Variants in ADI1 observed in about 807,000 individuals in gnomAD.
ADI1 encodes acireductone dioxygenase.
In ADI1, 21 loss-of-function variants were observed where a neutral mutation model predicts 18.7. That is an observed-to-expected ratio of 1.13 (90% CI 0.80 to 1.62). The LOEUF is 1.62. Ranked by LOEUF, ADI1 falls within the 40% of genes most tolerant of loss-of-function variation. The probability of loss-of-function intolerance (pLI) is 0.00; values close to 1 mark genes in which losing one functional copy is unlikely to be tolerated. For missense variants in ADI1, 245 were observed against 254.9 expected, an observed-to-expected ratio of 0.96 and a Z score of 0.26; for synonymous variants, 90 against 100.1, an observed-to-expected ratio of 0.90 and a Z score of 0.60.
chr2:3,500,718 T>G, intron 3 of ADI1, 96 bp downstream of exon 3: 8 of 1,547,086 alleles, frequency 5.2e-6, no homozygotes, highest in Non-Finnish European at 7.1e-6. Context: ...GCGACCGCGC[T>G]TGGAGTCTGC....
intron 3 of ADI1, chr2:3,500,583 A>G: frequency 1.6e-6 from 1 of 622,124 alleles, no homozygotes; most frequent in Non-Finnish European, 2.9e-6. Flanking sequence ...TGAAATGCAC[A>G]CCTGTCCACC....
intron 2 of ADI1, among the ~76,000 whole-genome samples, chr2:3,506,383 T>C (rs1667177999): frequency 6.6e-6 from 1 of 152,198 alleles, no homozygotes; most frequent in Non-Finnish European, 1.5e-5. Flanking sequence ...ACACAAAAGT[T>C]AATCACTTTC....
At chr2:3,512,989 T>G (rs1667323420) in intron 2 of ADI1, among the ~76,000 whole-genome samples, 1 of 152,226 alleles carries the variant, frequency 6.6e-6, no homozygotes, top group Non-Finnish European at 1.5e-5. Flanking sequence ...GCCCTAGATG[T>G]GGGACATGGA....
rs1007250409 is a variant in ADI1, at chr2:3,498,243, A to G, written c.*720T>C. On this transcript the variant is annotated 3_prime_UTR_variant, in exon 4 of 4. Coordinates refer to ENST00000327435, the MANE Select transcript of ADI1 (RefSeq NM_018269.4). Reference sequence around the variant, plus strand: ...ATCCTATCTCGGAATTGTTGAGTAGAAAATTTATGTACTAATACTCCTGTT... The same window carrying G: ...ATCCTATCTCGGAATTGTTGAGTAGGAAATTTATGTACTAATACTCCTGTT... 6.6e-6 allele frequency: 1 copy of G among 152,240 alleles called. No homozygotes were observed. The highest frequency in any genetic ancestry group is 2.4e-5 in the African/African-American group (1 of 41,458). The allele number at this position is 152,240 out of a possible 1,614,324, so 9.4% of individuals were successfully genotyped here.
intron 2 of ADI1, among the ~76,000 whole-genome samples, chr2:3,506,404 G>A (rs1232681852): frequency 1.1e-4 from 17 of 152,172 alleles, no homozygotes; most frequent in Non-Finnish European, 4.4e-5. Context: ...CTATATACCA[G>A]AAACACAGCA....
chr2:3,500,778 C>T, intron 3 of ADI1, 36 bp downstream of exon 3: 1 of 1,611,576 alleles, frequency 6.2e-7, no homozygotes, highest in East Asian at 2.2e-5. Flanking sequence ...GGCCACCACA[C>T]AGGCCGGGCC....
intron 3 of ADI1, chr2:3,500,530 G>A (rs747134173): frequency 7.4e-4 from 136 of 183,424 alleles, no homozygotes; most frequent in Non-Finnish European, 2.3e-4. Flanking sequence ...TGTACCTGCC[G>A]CCGCATGTAC....
intron 2 of ADI1, among the ~76,000 whole-genome samples, chr2:3,508,322 G>T: frequency 9.6e-6 from 1 of 104,298 alleles, no homozygotes; most frequent in South Asian, 3.7e-4. Context: ...GCAACAGAGT[G>T]AGACTCTGTC....
Position 3,511,772 on chromosome 2 carries a change from T to C in ADI1, c.240+2085A>G, listed in dbSNP as rs548716886. 8.6e-4 allele frequency among the ~76,000 whole-genome samples: 131 copies of C among 152,326 alleles called. 1 individual carries two copies. Among genetic ancestry groups the C allele is most frequent in the Non-Finnish European group, 1.3e-3 (91 of 68,024 alleles). ...GGAAAGTTTGGAACTTTTTAGAGAC[T>C]GGTTAACTCATTGTGACCAAAATGC... On this transcript the variant is annotated intron_variant, in intron 2 of 3. Coordinates refer to ENST00000327435, the MANE Select transcript of ADI1 (RefSeq NM_018269.4).
chr2:3,508,334 C>CAAAAAAAAAAAAAAAAAAAAAAAAAA (rs33977448), intron 2 of ADI1, among the ~76,000 whole-genome samples: 1 of 26,922 alleles, frequency 3.7e-5, no homozygotes, highest in Non-Finnish European at 9.9e-5. Flanking sequence ...GACTCTGTCT[C>CAAAAAAAAAAAAAAAAAAAAAAAAAA]AAAAAAAAAA....
In ADI1 at chr2:3,498,932, C is replaced by T. The variant is rs1012162845; in HGVS notation, c.*31G>A. The T allele has an allele frequency of 3.8e-6, 6 of 1,583,890 alleles. No homozygotes were observed. Among genetic ancestry groups the T allele is most frequent in the East Asian group, 4.5e-5 (2 of 44,122 alleles). On this transcript the variant is annotated 3_prime_UTR_variant, in exon 4 of 4. Coordinates refer to ENST00000327435, the MANE Select transcript of ADI1 (RefSeq NM_018269.4). The stretch of plus-strand genomic sequence containing the variant: ...TCAGTCATTACATTGGGGACCTTTA[C>T]GAGGCACGTGTTAGTTCCCAGGCAG...
At chr2:3,500,735 C>T (rs530248337) in intron 3 of ADI1, 79 bp downstream of exon 3, 39 of 1,593,878 alleles carry the variant, frequency 2.4e-5, no homozygotes, top group East Asian at 6.7e-5. Flanking sequence ...CTGCGGAAGC[C>T]GCGCAGTTCA....
intron 2 of ADI1, among the ~76,000 whole-genome samples, chr2:3,509,660 A>G: frequency 6.6e-6 from 1 of 152,156 alleles, no homozygotes; most frequent in African/African-American, 2.4e-5. Context: ...GTATATCGAA[A>G]TTATCAAAAG....
At chr2:3,519,278 C>G in intron 1 of ADI1, 90 bp downstream of exon 1, 1 of 1,310,450 alleles carries the variant, frequency 7.6e-7, no homozygotes, top group Non-Finnish European at 9.7e-7. Context: ...GCTCCCAGGC[C>G]GCTGCCCGGC....
In ADI1 at chr2:3,514,659, G is replaced by C. The variant is rs146368212; in HGVS notation, c.121-683C>G. On this transcript the variant is annotated intron_variant, in intron 1 of 3. Coordinates refer to ENST00000327435, the MANE Select transcript of ADI1 (RefSeq NM_018269.4). ...TTATCACAATCCTATCTCTATTAAGGTTCAGTTTTACTGTTCCTTCCTGAC... is the reference window on the plus strand; with the variant it reads ...TTATCACAATCCTATCTCTATTAAGCTTCAGTTTTACTGTTCCTTCCTGAC... 5.4e-4 allele frequency: 548 copies of C among 1,019,352 alleles called. 4 individuals are homozygous for C. The African/African-American group carries it at 7.7e-3, about 14-fold the overall frequency. 63.1% of individuals were successfully genotyped at this position (1,019,352 alleles called of 1,614,324 possible).
At chr2:3,515,045 G>A in intron 1 of ADI1, 1 of 518,308 alleles carries the variant, frequency 1.9e-6, no homozygotes, top group Admixed American at 4.0e-5. Flanking sequence ...CAAATTGATT[G>A]TAAAACATGT....
chr2:3,519,067 A>G (rs897014696), intron 1 of ADI1, among the ~76,000 whole-genome samples: 9 of 148,038 alleles, frequency 6.1e-5, no homozygotes, highest in African/African-American at 2.3e-4. Context: ...TTCGCTGCTG[A>G]GCATGCGCAG....
chr2:3,503,775 A>AC (rs1280206451), intron 2 of ADI1, among the ~76,000 whole-genome samples: 1 of 152,208 alleles, frequency 6.6e-6, no homozygotes, highest in Non-Finnish European at 1.5e-5. Flanking sequence ...AAGTCAGCTA[A>AC]CGAGGCTGCT....
At chr2:3,518,582 C>G (rs1477533329) in intron 1 of ADI1, among the ~76,000 whole-genome samples, 1 of 152,216 alleles carries the variant, frequency 6.6e-6, no homozygotes, top group Non-Finnish European at 1.5e-5. Context: ...AGCCGGGACC[C>G]AAGCCAGCTC....
Sources: gnomAD v4.1 joint callset for allele counts (sites outside exome capture counted in the v4.1 genomes callset) on GRCh38, gnomAD v4.1.1 for gene constraint, MANE v1.5 for transcripts, NCBI Gene and HGNC (gene_info 2026-07-23, HGNC 2026-07-21) for gene names.